The following ILKAP variants were observed in gnomAD, a reference collection of about 807,000 sequenced individuals.
The protein encoded by ILKAP is ILK associated serine/threonine phosphatase, also known as integrin-linked kinase-associated serine/threonine phosphatase 2C.
ILKAP carries 11 observed loss-of-function variants against 49.1 expected under a neutral mutation model. That is an observed-to-expected ratio of 0.22 (90% CI 0.14 to 0.37). The LOEUF (loss-of-function observed/expected upper bound fraction) is 0.37. Ranked by LOEUF, ILKAP falls within the 10% of genes least tolerant of loss-of-function variation. ILKAP has a pLI of 1.00. For missense variants in ILKAP, 363 were observed against 510.8 expected (o/e 0.71, Z 2.79); for synonymous variants, 186 against 192.8 (o/e 0.96, Z 0.29).
In ILKAP at chr2:238,184,012, A is replaced by T. The variant is rs749085187; in HGVS notation, c.626+8T>A. On this transcript the variant is annotated splice_region_variant and intron_variant, in intron 7 of 11. Transcript: ENST00000254654. ...TCCACTCAAACTTCATCATCAAGTTATACTTACTGGCTGGAAGCTTGTTTA... is the reference window on the plus strand; with the variant it reads ...TCCACTCAAACTTCATCATCAAGTTTTACTTACTGGCTGGAAGCTTGTTTA... 3.2e-6 allele frequency: 5 copies of T among 1,547,346 alleles called. No individual in the cohort carries two copies. In the South Asian group the frequency reaches 5.6e-5, roughly 17 times the overall value.
chr2:238,188,900 C>T (rs947101740), intron 4 of ILKAP, among the ~76,000 whole-genome samples: 1 of 152,186 alleles, frequency 6.6e-6, no homozygotes, highest in East Asian at 1.9e-4. Flanking sequence ...TGGGAAGTGA[C>T]AAGCTAAGTT....
At chr2:238,175,184 C>T (rs1158927812) in intron 9 of ILKAP, among the ~76,000 whole-genome samples, 2 of 151,828 alleles carry the variant, frequency 1.3e-5, no homozygotes, top group Non-Finnish European at 2.9e-5. Flanking sequence ...GTGGTGCAAT[C>T]ACTCGCTGGG....
At chr2:238,189,590 A>G (rs992997903) in intron 4 of ILKAP, 6 of 261,324 alleles carry the variant, frequency 2.3e-5, no homozygotes, top group Non-Finnish European at 4.4e-5. Context: ...GAAGGCTAAG[A>G]AAAAAACCAC....
chr2:238,198,523 C>A (rs893475240), intron 1 of ILKAP, among the ~76,000 whole-genome samples: 21 of 152,130 alleles, frequency 1.4e-4, no homozygotes, highest in African/African-American at 4.8e-4. Context: ...ACAGATGTGA[C>A]CCACTGCTCC....
intron 9 of ILKAP, chr2:238,173,958 G>C (rs955022819): frequency 3.3e-6 from 1 of 302,026 alleles, no homozygotes; most frequent in Non-Finnish European, 6.2e-6. Flanking sequence ...CACACACCTA[G>C]GTCCCAACTC....
chr2:238,170,859 A>T, intron 11 of ILKAP, 84 bp downstream of exon 11: 1 of 1,449,772 alleles, frequency 6.9e-7, no homozygotes, highest in Non-Finnish European at 9.7e-7. Flanking sequence ...CCACAATGGG[A>T]GGAAATGGGG....
chr2:238,188,815 A>ATTTC (rs1491092259), intron 4 of ILKAP, among the ~76,000 whole-genome samples: 3 of 152,240 alleles, frequency 2.0e-5, no homozygotes, highest in African/African-American at 7.2e-5. Flanking sequence ...TTTAATGGTT[A>ATTTC]GACTCATTTA....
In ILKAP at chr2:238,192,707, G is replaced by GAAA. The variant is rs61294022; in HGVS notation, c.178+1565_178+1567dup. On this transcript the variant is annotated intron_variant, in intron 3 of 11. Coordinates refer to ENST00000254654, the MANE Select transcript of ILKAP (RefSeq NM_030768.3). The stretch of plus-strand genomic sequence containing the variant: ...AGAGAGAGAGACAGTCTCAAAAAAG[G>GAAA]AAAAAAAAAAAAAGAATGTGTTATC... Among the ~76,000 whole-genome samples, 566 of 139,512 alleles carry GAAA rather than the reference G, an allele frequency of 4.1e-3. 3 individuals carry two copies. The highest frequency in any genetic ancestry group is 0.015 in the South Asian group (67 of 4,360). The allele number at this position is 139,512 out of a possible 152,430, so 91.5% of individuals were successfully genotyped here.
intron 3 of ILKAP, among the ~76,000 whole-genome samples, chr2:238,190,877 TAAAAAAAAAAAAAAA>T (rs57511265): frequency 1.1e-4 from 10 of 95,138 alleles, no homozygotes; most frequent in African/African-American, 3.9e-4. Flanking sequence ...CGTTTCTCTT[TAAAAAAAAAAAAAAA>T]AAAAAAAAAA....
chr2:238,202,274 C>T (rs1574814813), intron 1 of ILKAP, among the ~76,000 whole-genome samples: 1 of 152,124 alleles, frequency 6.6e-6, no homozygotes, highest in Admixed American at 6.6e-5. Flanking sequence ...AAATCACAAG[C>T]CTGAACATCC....
At chr2:238,176,355 A>T (rs1267453766) in intron 9 of ILKAP, among the ~76,000 whole-genome samples, 1 of 150,296 alleles carries the variant, frequency 6.7e-6, no homozygotes, top group Non-Finnish European at 1.5e-5. Flanking sequence ...CTGGTCTTGA[A>T]CTCCTGACCT....
At chr2:238,203,388 G>A (rs1044584115) in intron 1 of ILKAP, 111 bp downstream of exon 1, 3 of 343,446 alleles carry the variant, frequency 8.7e-6, no homozygotes, top group South Asian at 1.2e-4. Flanking sequence ...TGCAGCCCGC[G>A]CCGCCCGCCG....
At chr2:238,172,852 T>G (rs1190805902) in intron 10 of ILKAP, among the ~76,000 whole-genome samples, 1 of 152,130 alleles carries the variant, frequency 6.6e-6, no homozygotes, top group African/African-American at 2.4e-5. Flanking sequence ...GCTACTGCCT[T>G]AGTTCAGCCC....
chr2:238,201,376 C>A (rs1386615692), intron 1 of ILKAP, among the ~76,000 whole-genome samples: 3 of 152,178 alleles, frequency 2.0e-5, no homozygotes, highest in African/African-American at 7.2e-5. Context: ...ATTCTGAGAT[C>A]TTCTTCGTTT....
At chr2:238,191,183 C>T (rs1025090688) in intron 3 of ILKAP, among the ~76,000 whole-genome samples, 26 of 150,766 alleles carry the variant, frequency 1.7e-4, no homozygotes, top group Non-Finnish European at 2.9e-4. Context: ...GGAGTCTACT[C>T]TGTCGCCCAG....
intron 8 of ILKAP, 22 bp from the exon 9 acceptor site, chr2:238,182,208 T>C: frequency 5.0e-6 from 8 of 1,612,316 alleles, no homozygotes; most frequent in East Asian, 2.2e-5. Context: ...GAGATTGTAA[T>C]AGTCATGAAA....
chr2:238,185,314 A>C (rs1037552015), intron 5 of ILKAP, 27 bp from the exon 6 acceptor site: 7 of 1,401,230 alleles, frequency 5.0e-6, no homozygotes, highest in Non-Finnish European at 5.1e-6. Flanking sequence ...AGAGTTAATC[A>C]AATTCTCACA....
At chr2:238,194,108 CT>C (rs1465745530) in intron 3 of ILKAP, among the ~76,000 whole-genome samples, 166 bp downstream of exon 3, 31 of 152,312 alleles carry the variant, frequency 2.0e-4, no homozygotes, top group African/African-American at 7.2e-4. Flanking sequence ...ACAGTATTAT[CT>C]TTGTGCTTCC....
intron 3 of ILKAP, among the ~76,000 whole-genome samples, chr2:238,191,081 A>G (rs1694102800): frequency 6.6e-6 from 1 of 151,916 alleles, no homozygotes; most frequent in Non-Finnish European, 1.5e-5. Context: ...CAGCCTCCTG[A>G]GCAGCTGGGA....
Sources: gnomAD v4.1 joint callset for allele counts (sites outside exome capture counted in the v4.1 genomes callset) on GRCh38, gnomAD v4.1.1 for gene constraint, MANE v1.5 for transcripts, NCBI Gene and HGNC (gene_info 2026-07-23, HGNC 2026-07-21) for gene names.